Variants in KCNJ13 observed in about 807,000 individuals in gnomAD.
The protein encoded by KCNJ13 is potassium inwardly rectifying channel subfamily J member 13, also known as inward rectifier potassium channel 13.
Under a neutral mutation model 24.6 loss-of-function variants are expected in KCNJ13, and 9 were observed. That is an observed-to-expected ratio of 0.37 (90% CI 0.22 to 0.64). The LOEUF is 0.64. KCNJ13 is among the 30% of genes least tolerant of loss of function. The pLI, the probability that KCNJ13 is intolerant of heterozygous loss-of-function variation, is 0.64. For missense variants in KCNJ13, 337 were observed against 443.8 expected (o/e 0.76, Z 2.16); for synonymous variants, 148 against 154.7 (o/e 0.96, Z 0.32).
Position 232,767,777 on chromosome 2 carries a change from A to G in KCNJ13, c.*414T>C, listed in dbSNP as rs1699036470. ...ATTCACTAAGTATAGTGAAGTCGTCATTCCACCCAGGGAGCTAGGTTTGAA... is the reference window on the plus strand; with the variant it reads ...ATTCACTAAGTATAGTGAAGTCGTCGTTCCACCCAGGGAGCTAGGTTTGAA... On this transcript the variant is annotated 3_prime_UTR_variant, in exon 3 of 3. Coordinates refer to ENST00000233826, the MANE Select transcript of KCNJ13 (RefSeq NM_002242.4). 2 of 227,172 alleles carry G rather than the reference A, an allele frequency of 8.8e-6. No homozygotes were observed. Among genetic ancestry groups the G allele is most frequent in the Non-Finnish European group, 1.8e-5 (2 of 114,012 alleles). The allele number at this position is 227,172 out of a possible 1,614,324, so 14.1% of individuals were successfully genotyped here. A position where few individuals can be genotyped will look rare whatever the true frequency, so the allele number is the denominator to read the frequency against.
In KCNJ13 at chr2:232,768,693, G is replaced by A; in HGVS notation, c.581C>T (p.Thr194Ile). Residue 194 changes from threonine (T) to isoleucine (I), a missense_variant, in exon 3 of 3, where the codon ACC becomes ATC. Coordinates refer to ENST00000233826, the MANE Select transcript of KCNJ13 (RefSeq NM_002242.4). The part of the protein sequence containing the change: ...KPNLIFQVAN[T>I]RPSPLTSVRV... ...GACACTGGTTAGAGGGCTAGGTCGG[G>A]TGTTGGCCACTTGGAAGATAAGATT... is the stretch of plus-strand genomic sequence containing the variant. 6.2e-7 allele frequency: 1 copy of A among 1,606,150 alleles called. No homozygotes were observed. Among genetic ancestry groups the A allele is most frequent in the East Asian group, 2.2e-5 (1 of 44,672 alleles).
At position 232,776,490 on chromosome 2, in the gene KCNJ13, G is replaced by T; in HGVS notation, c.-62C>A. ...CCTTTATGCCAAGGTAGGTCTTAAG[G>T]AAATTTACAGAGTCTGCCTTTTTGA... On this transcript the variant is annotated 5_prime_UTR_variant, in exon 1 of 3. Transcript: ENST00000233826. 6.8e-7 allele frequency: 1 copy of T among 1,472,620 alleles called. No homozygotes were observed. Among genetic ancestry groups the T allele is most frequent in the Non-Finnish European group, 9.5e-7 (1 of 1,058,142 alleles). The allele number at this position is 1,472,620 out of a possible 1,614,324, so 91.2% of individuals were successfully genotyped here. A position where few individuals can be genotyped will look rare whatever the true frequency, so the allele number is the denominator to read the frequency against.
intron 1 of KCNJ13, among the ~76,000 whole-genome samples, chr2:232,772,954 C>A (rs1699331310): frequency 6.6e-6 from 1 of 152,018 alleles, no homozygotes. Context: ...ATACAACTTT[C>A]TTTTGCTCTG....
rs921747206 is a variant in KCNJ13 at position 232,765,844 on chromosome 2, T to C, written c.*2347A>G. ...AAACTAGGCCCCTGAGATTTTTAGG[T>C]AACGACATGCCTCCAGTTTGTTGAA... On this transcript the variant is annotated 3_prime_UTR_variant, in exon 3 of 3. Transcript: ENST00000233826. 1.1e-5 allele frequency: 5 copies of C among 454,570 alleles called. No homozygotes were observed. The highest frequency in any genetic ancestry group is 2.3e-5 in the Non-Finnish European group (5 of 218,090). 28.2% of individuals were successfully genotyped at this position (454,570 alleles called of 1,614,324 possible).
In KCNJ13 at chr2:232,766,976, T is replaced by C. The variant is rs200075792; in HGVS notation, c.*1215A>G. The C allele has an allele frequency of 1.5e-4, 23 of 152,320 alleles. No homozygotes were observed. The East Asian group carries it at 2.7e-3, about 18-fold the overall frequency. The allele number at this position is 152,320 out of a possible 1,614,324, so 9.4% of individuals were successfully genotyped here. ...TTTTGTTTTAAGGACAGTTTCTCTT[T>C]TTTTTATTGAAATGAAAATCATGCA... On this transcript the variant is annotated 3_prime_UTR_variant, in exon 3 of 3. Transcript: ENST00000233826.
chr2:232,771,527 G>T, intron 1 of KCNJ13, 149 bp from the exon 2 acceptor site: 1 of 537,932 alleles, frequency 1.9e-6, no homozygotes, highest in Non-Finnish European at 3.3e-6. Flanking sequence ...ACGTTAGATG[G>T]CATTTACTAA....
chr2:232,774,363 T>C (rs188039014), intron 1 of KCNJ13, among the ~76,000 whole-genome samples: 3 of 152,286 alleles, frequency 2.0e-5, no homozygotes, highest in East Asian at 1.9e-4. Context: ...GAAACAGATA[T>C]TCAGTTAGGA....
chr2:232,768,197 TGTCA>T lies in KCNJ13; in HGVS notation c.1073_1076del (p.Leu358GlnfsTer34). ...ATTAAAAAATGGATAAGTCTTATTCTGTCAGTCCTGTTTCAGAGATCTGAAAATT... is the reference window on the plus strand; with the variant it reads ...ATTAAAAAATGGATAAGTCTTATTCTGTCCTGTTTCAGAGATCTGAAAATT... On this transcript the variant is annotated frameshift_variant, in exon 3 of 3. Transcript: ENST00000233826. LOFTEE classifies it high-confidence loss of function. The T allele has an allele frequency of 1.2e-6, 2 of 1,614,084 alleles. No individual in the cohort carries two copies. The highest frequency in any genetic ancestry group is 8.5e-7 in the Non-Finnish European group (1 of 1,179,930).
At chr2:232,771,446 T>C in intron 1 of KCNJ13, 68 bp from the exon 2 acceptor site, 1 of 1,004,334 alleles carries the variant, frequency 1.0e-6, no homozygotes, top group South Asian at 1.6e-5. Flanking sequence ...TTTGGAGAGC[T>C]CATGGACTTT....
rs1050736317 is a variant in KCNJ13, at chr2:232,766,728, T to G, written c.*1463A>C. ...CTTCTTTATTTTCTTTTCCTTTTGG[T>G]CAAATAGTAGAAAAATGTGACTTGC... On this transcript the variant is annotated 3_prime_UTR_variant, in exon 3 of 3. Coordinates refer to ENST00000233826, the MANE Select transcript of KCNJ13 (RefSeq NM_002242.4). 6.6e-6 allele frequency: 1 copy of G among 152,244 alleles called. No individual in the cohort carries two copies. The highest frequency in any genetic ancestry group is 6.5e-5 in the Admixed American group (1 of 15,282). The allele number at this position is 152,244 out of a possible 1,614,324, so 9.4% of individuals were successfully genotyped here. A position where few individuals can be genotyped will look rare whatever the true frequency, so the allele number is the denominator to read the frequency against.
At position 232,768,173 on chromosome 2, in the gene KCNJ13, T is replaced by A. The variant is rs1004804255; in HGVS notation, c.*18A>T. On this transcript the variant is annotated 3_prime_UTR_variant, in exon 3 of 3. Coordinates refer to ENST00000233826, the MANE Select transcript of KCNJ13 (RefSeq NM_002242.4). ...TAACTGGCTGGGTGTATTTAATACA[T>A]TAAAAAATGGATAAGTCTTATTCTG... The A allele has an allele frequency of 1.2e-6, 2 of 1,613,214 alleles. No individual in the cohort carries two copies. Among genetic ancestry groups the A allele is most frequent in the African/African-American group, 1.3e-5 (1 of 74,930 alleles).
chr2:232,773,216 A>C (rs1699343483), intron 1 of KCNJ13, among the ~76,000 whole-genome samples: 1 of 152,092 alleles, frequency 6.6e-6, no homozygotes, highest in African/African-American at 2.4e-5. Flanking sequence ...TTATTTTGTT[A>C]GATTATTTTT....
chr2:232,767,206 T>C lies in KCNJ13; in HGVS notation c.*985A>G, dbSNP rs527706386. The C allele has an allele frequency of 8.5e-5, 13 of 152,368 alleles. No homozygotes were observed. Among genetic ancestry groups the C allele is most frequent in the Non-Finnish European group, 1.5e-4 (10 of 68,034 alleles). The allele number at this position is 152,368 out of a possible 1,614,324, so 9.4% of individuals were successfully genotyped here. A position where few individuals can be genotyped will look rare whatever the true frequency, so the allele number is the denominator to read the frequency against. ...GAAGTTGGAAACAGGAATTTGAGTT[T>C]GAAAATGCTTTGTTGCCTAATTATC... On this transcript the variant is annotated 3_prime_UTR_variant, in exon 3 of 3. Coordinates refer to ENST00000233826, the MANE Select transcript of KCNJ13 (RefSeq NM_002242.4).
At chr2:232,772,147 C>G (rs774200582) in intron 1 of KCNJ13, among the ~76,000 whole-genome samples, 3 of 152,160 alleles carry the variant, frequency 2.0e-5, no homozygotes, top group Non-Finnish European at 4.4e-5. Context: ...CTCCTGTTCT[C>G]AAGCCATCTT....
rs2106334934 is a variant in KCNJ13 at position 232,768,498 on chromosome 2, T to C, written c.776A>G (p.His259Arg). ...TAATTCAAAGTGAGAAGGATTTTCA[T>C]GCTGGAGCAGAGTAGCCAGAGGACT... ...PSSPLATLLQ[H>R]ENPSHFELVV... The change falls in exon 3 of 3, where the codon CAT (histidine) becomes CGT (arginine). Residue 259 changes from histidine to arginine, a missense_variant. His to Arg is a conservative substitution (Grantham distance 29). Coordinates refer to ENST00000233826, the MANE Select transcript of KCNJ13 (RefSeq NM_002242.4). The C allele has an allele frequency of 6.2e-7, 1 of 1,614,214 alleles. No individual in the cohort carries two copies. The highest frequency in any genetic ancestry group is 1.1e-5 in the South Asian group (1 of 91,088).
Position 232,770,997 on chromosome 2 carries a change from A to G in KCNJ13, c.366T>C (p.Tyr122=), listed in dbSNP as rs747184742. The change falls in exon 2 of 3, where the codon TAT becomes TAC. Residue 122 remains tyrosine, a synonymous_variant. Coordinates refer to ENST00000233826, the MANE Select transcript of KCNJ13 (RefSeq NM_002242.4). ...AGTCACCACTGGGGAACATGGTACC[A>G]TAACCAATTGTGAGTTGTGTCTCCA... ...FSLETQLTIG[Y]GTMFPSGDCP... 1.8e-5 allele frequency: 29 copies of G among 1,614,032 alleles called. No individual in the cohort carries two copies. In the African/African-American group the frequency reaches 2.5e-4, roughly 14 times the overall value.
At chr2:232,774,229 G>A (rs11890879) in intron 1 of KCNJ13, among the ~76,000 whole-genome samples, 15,262 of 152,106 alleles carry the variant, frequency 0.1, 1,101 homozygotes, top group African/African-American at 0.19. Context: ...CAAAACAGAT[G>A]TTTGACCCTG....
In KCNJ13 at chr2:232,768,084, TAG is replaced by T. The variant is rs1410066606; in HGVS notation, c.*105_*106del. Reference sequence around the variant, plus strand: ...AGGCATAGGCATGATTACCGTGATGTAGAGAGCTATAATTAGCATTGAAAAAA... The same window carrying T: ...AGGCATAGGCATGATTACCGTGATGTAGAGCTATAATTAGCATTGAAAAAA... On this transcript the variant is annotated 3_prime_UTR_variant, in exon 3 of 3. Transcript: ENST00000233826. 2 of 1,088,316 alleles carry T rather than the reference TAG, an allele frequency of 1.8e-6. No individual in the cohort carries two copies. Among genetic ancestry groups the T allele is most frequent in the African/African-American group, 3.1e-5 (2 of 64,350 alleles). 67.4% of individuals were successfully genotyped at this position (1,088,316 alleles called of 1,614,324 possible). A position where few individuals can be genotyped will look rare whatever the true frequency, so the allele number is the denominator to read the frequency against.
chr2:232,773,953 T>C (rs1239697179), intron 1 of KCNJ13, among the ~76,000 whole-genome samples: 1 of 145,906 alleles, frequency 6.9e-6, no homozygotes, highest in Non-Finnish European at 1.5e-5. Context: ...AGTTTCACAG[T>C]AATAAGTATC....
Sources: gnomAD v4.1 joint callset for allele counts (sites outside exome capture counted in the v4.1 genomes callset) on GRCh38, gnomAD v4.1.1 for gene constraint, MANE v1.5 for transcripts, NCBI Gene and HGNC (gene_info 2026-07-23, HGNC 2026-07-21) for gene names.